SH2D4A: variants seen among roughly 807,000 people sequenced by gnomAD.
SH2D4A encodes SH2 domain containing 4A, also known as SH2 domain-containing protein 4A.
In SH2D4A, 70 loss-of-function variants were observed where a neutral mutation model predicts 64.7. The ratio of observed to expected loss-of-function variants is 1.08; its 90% CI spans 0.89 to 1.32. The LOEUF is 1.32. SH2D4A is among the 40% of genes most tolerant of loss of function. SH2D4A has a pLI of 0.00. For missense variants in SH2D4A, 706 were observed against 540.1 expected, an observed-to-expected ratio of 1.31 and a Z score of -3.04; for synonymous variants, 268 against 200.7, an observed-to-expected ratio of 1.34 and a Z score of -2.83.
At chr8:19,360,697 GGA>G (rs1410900628) in intron 5 of SH2D4A, 2 of 152,140 alleles carry the variant, frequency 1.3e-5, no homozygotes, top group African/African-American at 4.8e-5. Flanking sequence ...ATGACTCGGG[GGA>G]GAGATTCAGC....
chr8:19,317,005 TG>T (rs2117163626), intron 1 of SH2D4A, among the ~76,000 whole-genome samples: 1 of 152,294 alleles, frequency 6.6e-6, no homozygotes, highest in South Asian at 2.1e-4. Context: ...AATATGACTT[TG>T]ACACTTTAAG....
chr8:19,320,553 G>T (rs1225574155), intron 2 of SH2D4A, among the ~76,000 whole-genome samples: 2 of 141,316 alleles, frequency 1.4e-5, no homozygotes, highest in African/African-American at 5.3e-5. Flanking sequence ...GAGCTCAGGA[G>T]ATCGAGGCCA....
chr8:19,314,367 C>T (rs2052049510), intron 1 of SH2D4A, among the ~76,000 whole-genome samples: 1 of 152,272 alleles, frequency 6.6e-6, no homozygotes, highest in South Asian at 2.1e-4. Flanking sequence ...GCACGTTCCC[C>T]GCGCACCGGC....
chr8:19,350,467 T>C (rs544670047), intron 4 of SH2D4A, among the ~76,000 whole-genome samples: 47 of 152,274 alleles, frequency 3.1e-4, no homozygotes, highest in African/African-American at 9.1e-4. Context: ...ATGTTTTTAG[T>C]TGTTGTTGCT....
At chr8:19,330,049 G>GCT (rs1563187001) in intron 2 of SH2D4A, among the ~76,000 whole-genome samples, 1 of 152,148 alleles carries the variant, frequency 6.6e-6, no homozygotes, top group South Asian at 2.1e-4. Flanking sequence ...TAGGTTACTT[G>GCT]CAGGGGAATG....
intron 7 of SH2D4A, 125 bp downstream of exon 7, chr8:19,364,407 G>A: frequency 9.7e-7 from 1 of 1,026,314 alleles, no homozygotes; most frequent in Non-Finnish European, 1.4e-6. Flanking sequence ...GCCTGTGTAA[G>A]TAGCTCAGGT....
Position 19,332,958 on chromosome 8 carries a change from A to G in SH2D4A, c.185A>G (p.Asn62Ser), listed in dbSNP as rs1563188224. The change falls in exon 3 of 10, where the codon AAT becomes AGT. Residue 62 changes from asparagine to serine, a missense_variant. Physicochemically the swap from Asn to Ser is conservative, Grantham distance 46. Transcript: ENST00000265807. ...LPVKPRPKKE[N>S]GKSVHWKLGA... ...TTGTTTGTGTGTTTGTTTGCAGAGA[A>G]TGGCAAATCGGTTCATTGGAAACTT... 1.2e-6 allele frequency: 2 copies of G among 1,608,632 alleles called. No individual in the cohort carries two copies. Among genetic ancestry groups the G allele is most frequent in the East Asian group, 4.5e-5 (2 of 44,854 alleles).
chr8:19,388,559 G>C (rs928447876), intron 8 of SH2D4A, among the ~76,000 whole-genome samples: 3 of 152,156 alleles, frequency 2.0e-5, no homozygotes, highest in East Asian at 1.9e-4. Flanking sequence ...GTTGCGGTGA[G>C]GATAAAAGGA....
chr8:19,321,043 C>A (rs891530090), intron 2 of SH2D4A, among the ~76,000 whole-genome samples: 4 of 152,148 alleles, frequency 2.6e-5, no homozygotes, highest in African/African-American at 4.8e-5. Flanking sequence ...AGAAATATGT[C>A]ATTTCCTCTT....
chr8:19,320,625 A>AC (rs2052173113), intron 2 of SH2D4A, among the ~76,000 whole-genome samples: 1 of 133,904 alleles, frequency 7.5e-6, no homozygotes, highest in Non-Finnish European at 1.6e-5. Context: ...CTGTGTGTCA[A>AC]AAAAAAAAAA....
chr8:19,361,259 G>A lies in SH2D4A; in HGVS notation c.651G>A (p.Glu217=). 1 of 1,611,594 alleles carries A rather than the reference G, an allele frequency of 6.2e-7. No individual in the cohort carries two copies. The highest frequency in any genetic ancestry group is 1.7e-5 in the Admixed American group (1 of 59,810). Residue 217 remains glutamate, a synonymous_variant, in exon 6 of 10, where the codon GAG becomes GAA. Transcript: ENST00000265807. ...AAGAAATAAATCAAATAGAAGAAGA[G>A]AGAACGAAGCAGATTTGTAAGAGCT... ...QDEEINQIEE[E]RTKQICKSWK...
intron 3 of SH2D4A, among the ~76,000 whole-genome samples, chr8:19,333,458 T>G (rs1286520670): frequency 3.9e-5 from 6 of 152,286 alleles, no homozygotes; most frequent in African/African-American, 1.4e-4. Flanking sequence ...CACCCGTGGC[T>G]GCACTAGAGT....
chr8:19,321,165 A>G (rs1350200924), intron 2 of SH2D4A, among the ~76,000 whole-genome samples: 8 of 152,048 alleles, frequency 5.3e-5, no homozygotes, highest in Admixed American at 5.2e-4. Context: ...GTCAGCAGTG[A>G]CAGTCCTGTT....
chr8:19,394,758 A>T lies in SH2D4A; in HGVS notation c.*116A>T. 1 of 536,036 alleles carries T rather than the reference A, an allele frequency of 1.9e-6. No individual in the cohort carries two copies. The highest frequency in any genetic ancestry group is 3.2e-5 in the East Asian group (1 of 31,150). 33.2% of individuals were successfully genotyped at this position (536,036 alleles called of 1,614,324 possible). A position where few individuals can be genotyped will look rare whatever the true frequency, so the allele number is the denominator to read the frequency against. ...CCTGCAGCAGAGCCAATACTGATCAACTGAAAGTAAAGTATCCATGGAGTC... is the reference window on the plus strand; with the variant it reads ...CCTGCAGCAGAGCCAATACTGATCATCTGAAAGTAAAGTATCCATGGAGTC... On this transcript the variant is annotated 3_prime_UTR_variant, in exon 10 of 10. Coordinates refer to ENST00000265807, the MANE Select transcript of SH2D4A (RefSeq NM_022071.4).
chr8:19,322,612 CTTTT>C (rs33946166), intron 2 of SH2D4A, among the ~76,000 whole-genome samples: 27 of 126,764 alleles, frequency 2.1e-4, no homozygotes, highest in East Asian at 2.3e-4. Context: ...GTCTATTATT[CTTTT>C]TTTTTTTTTT....
chr8:19,319,149 G>A (rs1308876403), intron 1 of SH2D4A, among the ~76,000 whole-genome samples, 195 bp from the exon 2 acceptor site: 2 of 151,192 alleles, frequency 1.3e-5, no homozygotes, highest in Non-Finnish European at 2.9e-5. Flanking sequence ...TTTTTTGACA[G>A]AGTATCTTTA....
intron 5 of SH2D4A, 30 bp from the exon 6 acceptor site, chr8:19,361,173 T>A (rs1161079861): frequency 7.3e-7 from 1 of 1,364,862 alleles, no homozygotes; most frequent in African/African-American, 1.5e-5. Flanking sequence ...TTGTTTTGTT[T>A]TTGTTTTTTT....
chr8:19,366,205 C>G (rs961889773), intron 7 of SH2D4A, among the ~76,000 whole-genome samples: 5 of 152,026 alleles, frequency 3.3e-5, no homozygotes, highest in Admixed American at 3.3e-4. Context: ...TTATGGGATA[C>G]AGTGTGATGT....
intron 2 of SH2D4A, among the ~76,000 whole-genome samples, chr8:19,332,557 G>C (rs1032270806): frequency 4.6e-5 from 7 of 151,926 alleles, no homozygotes; most frequent in Non-Finnish European, 1.0e-4. Context: ...AATTAGCTGG[G>C]CATGGTGGCA....
Sources: allele counts gnomAD v4.1 joint callset (sites outside exome capture counted in the v4.1 genomes callset), GRCh38; gene constraint gnomAD v4.1.1; transcripts MANE v1.5; gene names NCBI Gene and HGNC (gene_info 2026-07-23, HGNC 2026-07-21).